Variants in TBC1D9 observed in about 807,000 individuals in gnomAD.
The protein encoded by TBC1D9 is TBC1 domain family member 9A.
In TBC1D9, 63 loss-of-function variants were observed where a neutral mutation model predicts 132.0. The ratio of observed to expected loss-of-function variants is 0.48; its 90% CI spans 0.39 to 0.59. The LOEUF (loss-of-function observed/expected upper bound fraction) is 0.59. Among genes scored for constraint, TBC1D9 ranks in the 20% least tolerant of loss-of-function variants. TBC1D9 has a pLI of 0.00. For missense variants in TBC1D9, 1,261 were observed against 1,592.7 expected, an observed-to-expected ratio of 0.79 and a Z score of 3.54; for synonymous variants, 610 against 609.9, an observed-to-expected ratio of 1.00 and a Z score of 0.00.
intron 13 of TBC1D9, among the ~76,000 whole-genome samples, chr4:140,651,233 C>T (rs1737183174): frequency 6.6e-6 from 1 of 152,292 alleles, no homozygotes. Flanking sequence ...CTTTGGGAGG[C>T]CAAGGCGGGC....
chr4:140,686,550 C>A (rs560903445), intron 2 of TBC1D9, 88 bp from the exon 3 acceptor site: 42 of 803,630 alleles, frequency 5.2e-5, no homozygotes, highest in Non-Finnish European at 6.5e-5. Context: ...TAGTCTATAC[C>A]ATCAAAGGAG....
chr4:140,661,303 T>C (rs575480010), intron 10 of TBC1D9, among the ~76,000 whole-genome samples: 1 of 152,250 alleles, frequency 6.6e-6, no homozygotes, highest in African/African-American at 2.4e-5. Context: ...TTTGTTGGTA[T>C]GTAGGCAACT....
At chr4:140,705,838 T>A (rs1303514885) in intron 1 of TBC1D9, among the ~76,000 whole-genome samples, 1 of 152,238 alleles carries the variant, frequency 6.6e-6, no homozygotes. Context: ...CAGCTATTTC[T>A]GGTGTTAAAC....
At position 140,634,165 on chromosome 4, in the gene TBC1D9, G is replaced by A; in HGVS notation, c.2529C>T (p.Tyr843=). 1 of 1,613,458 alleles carries A rather than the reference G, an allele frequency of 6.2e-7. No individual in the cohort carries two copies. The highest frequency in any genetic ancestry group is 2.2e-5 in the East Asian group (1 of 44,884). Residue 843 remains tyrosine, a synonymous_variant, in exon 16 of 21, where the codon TAC becomes TAT. Transcript: ENST00000442267. ...LFKAEHLTSC[Y]WGGSSNALDR... is the part of the protein sequence containing the mutation. ...CCAGCGCGTTGCTGCTCCCGCCCCA[G>A]TAGCAGCTGGTGAGATGTTCTGCCT...
In TBC1D9 at chr4:140,659,645, G is replaced by A. The variant is rs183948724; in HGVS notation, c.1864C>T (p.Leu622=). 302 of 1,608,070 alleles carry A rather than the reference G, an allele frequency of 1.9e-4. 1 individual carries two copies. The African/African-American group carries it at 3.6e-3, about 19-fold the overall frequency. The change falls in exon 11 of 21, where the codon CTG becomes TTG. Residue 622 remains leucine (L), a synonymous_variant. Transcript: ENST00000442267. ...LYAKEEEAFW[L]LVALCERMLP... Reference sequence around the variant, plus strand: ...ATGCGCTCACACAAAGCCACAAGCAGCCAGAAAGCTTCCTCCTCTTTGGCA... The same window carrying A: ...ATGCGCTCACACAAAGCCACAAGCAACCAGAAAGCTTCCTCCTCTTTGGCA...
chr4:140,622,786 G>A lies in TBC1D9; in HGVS notation c.3210C>T (p.Phe1070=), dbSNP rs932880714. 4.4e-5 allele frequency: 71 copies of A among 1,602,804 alleles called. No homozygotes were observed. The highest frequency in any genetic ancestry group is 1.2e-4 in the Admixed American group (7 of 59,744). ...CGCCCTCCTTTGCAGGCTGGGCCAC[G>A]AACAACTTGCCGACCTCCCCAATCT... ...LLEIGEVGKL[F]VAQPAKEGGS... Residue 1070 remains phenylalanine (F), a synonymous_variant, in exon 21 of 21, where the codon TTC becomes TTT. Transcript: ENST00000442267.
At chr4:140,701,407 T>A in intron 2 of TBC1D9, 97 bp downstream of exon 2, 1 of 849,960 alleles carries the variant, frequency 1.2e-6, no homozygotes, top group South Asian at 1.6e-5. Flanking sequence ...TACCAGTGAT[T>A]GCATTCAGCA....
intron 1 of TBC1D9, among the ~76,000 whole-genome samples, chr4:140,704,899 G>A (rs1299045885): frequency 1.3e-5 from 2 of 152,134 alleles, no homozygotes; most frequent in South Asian, 2.1e-4. Context: ...CACAACTGGC[G>A]CCACCAACTT....
chr4:140,699,084 G>A (rs1009430804), intron 2 of TBC1D9, among the ~76,000 whole-genome samples: 1 of 152,130 alleles, frequency 6.6e-6, no homozygotes, highest in African/African-American at 2.4e-5. Context: ...TTTTAAAAAT[G>A]AATGAAGTCA....
At chr4:140,730,665 G>A (rs1282520482) in intron 1 of TBC1D9, among the ~76,000 whole-genome samples, 7 of 152,182 alleles carry the variant, frequency 4.6e-5, no homozygotes, top group Admixed American at 1.3e-4. Context: ...AAGCAGGGTT[G>A]TAATGAGCCT....
chr4:140,723,186 C>T, intron 1 of TBC1D9, among the ~76,000 whole-genome samples: 1 of 152,106 alleles, frequency 6.6e-6, no homozygotes, highest in East Asian at 1.9e-4. Flanking sequence ...TTCTCAGGAC[C>T]CTGGGTAACC....
intron 16 of TBC1D9, among the ~76,000 whole-genome samples, chr4:140,629,973 C>T (rs1030311904): frequency 6.6e-6 from 1 of 152,130 alleles, no homozygotes; most frequent in Non-Finnish European, 1.5e-5. Flanking sequence ...TCCTATTTTA[C>T]AGATAAGAAA....
intron 2 of TBC1D9, among the ~76,000 whole-genome samples, chr4:140,687,187 G>A (rs542690987): frequency 6.6e-6 from 1 of 151,370 alleles, no homozygotes; most frequent in South Asian, 2.1e-4. Context: ...GCTGCAGGGT[G>A]TAATAGGTAT....
intron 2 of TBC1D9, among the ~76,000 whole-genome samples, chr4:140,694,775 T>C (rs1300899079): frequency 2.4e-5 from 3 of 123,044 alleles, no homozygotes; most frequent in Non-Finnish European, 4.8e-5. Flanking sequence ...ATATAAAGTA[T>C]ATTGGAGATT....
chr4:140,633,433 G>A (rs1273814926), intron 16 of TBC1D9, among the ~76,000 whole-genome samples: 1 of 152,150 alleles, frequency 6.6e-6, no homozygotes, highest in Non-Finnish European at 1.5e-5. Context: ...GGGTGAGGCT[G>A]GGCCTGCTCC....
intron 1 of TBC1D9, among the ~76,000 whole-genome samples, chr4:140,750,299 C>T (rs1738902718): frequency 6.6e-6 from 1 of 151,484 alleles, no homozygotes; most frequent in South Asian, 2.1e-4. Flanking sequence ...CCTAGCCTGT[C>T]AAGAAAGGCA....
At chr4:140,724,885 C>CA (rs1284813511) in intron 1 of TBC1D9, among the ~76,000 whole-genome samples, 2 of 152,154 alleles carry the variant, frequency 1.3e-5, no homozygotes, top group South Asian at 4.1e-4. Context: ...GTCAGAATGG[C>CA]AAAAATCCAT....
chr4:140,677,065 AC>A lies in TBC1D9; in HGVS notation c.887del (p.Arg296LeufsTer12). On this transcript the variant is annotated frameshift_variant, in exon 6 of 21. Transcript: ENST00000442267. LOFTEE classifies it high-confidence loss of function. Reference protein sequence around the residue: ...LDARAKSERYRALFRLPKDEK... With the variant: ...LDARAKSERYXALFRLPKDEK... Reference sequence around the variant, plus strand: ...CATCTTTGGGCAGCCGGAAAAGTGCACGGTATCTCTCACTCTTTGCCCTGGC... The same window carrying A: ...CATCTTTGGGCAGCCGGAAAAGTGCAGGTATCTCTCACTCTTTGCCCTGGC... The A allele has an allele frequency of 6.2e-7, 1 of 1,613,956 alleles. No individual in the cohort carries two copies. Among genetic ancestry groups the A allele is most frequent in the Non-Finnish European group, 8.5e-7 (1 of 1,179,872 alleles).
At chr4:140,659,735 T>C (rs1737328274) in intron 10 of TBC1D9, 30 bp from the exon 11 acceptor site, 1 of 1,456,658 alleles carries the variant, frequency 6.9e-7, no homozygotes, top group Non-Finnish European at 9.5e-7. Flanking sequence ...TGTCATCAAA[T>C]ACAGTTGAAA....
Sources: gnomAD v4.1 joint callset for allele counts (sites outside exome capture counted in the v4.1 genomes callset) on GRCh38, gnomAD v4.1.1 for gene constraint, MANE v1.5 for transcripts, NCBI Gene and HGNC (gene_info 2026-07-23, HGNC 2026-07-21) for gene names.